The following LRRC28 variants were observed in gnomAD, a reference collection of about 807,000 sequenced individuals.
The protein encoded by LRRC28 is leucine-rich repeat-containing protein 28.
LRRC28 carries 39 observed loss-of-function variants against 45.7 expected under a neutral mutation model. The observed-to-expected ratio is 0.85, with a 90% confidence interval of 0.66 to 1.12. The LOEUF (loss-of-function observed/expected upper bound fraction) is 1.12. LRRC28 is among the 50% of genes most tolerant of loss of function. LRRC28 has a pLI of 0.00. For synonymous variants in LRRC28, 206 were observed against 178.8 expected, an observed-to-expected ratio of 1.15 and a Z score of -1.22; for missense variants, 435 against 438.5, an observed-to-expected ratio of 0.99 and a Z score of 0.07.
intron 5 of LRRC28, among the ~76,000 whole-genome samples, chr15:99,319,481 A>G (rs1367239645): frequency 6.6e-5 from 10 of 152,090 alleles, no homozygotes; most frequent in Admixed American, 6.5e-4. Flanking sequence ...GATAAATGCC[A>G]TTTCTCTCTA....
chr15:99,258,306 A>C lies in LRRC28; in HGVS notation c.168+2181A>C. 3 of 1,508,934 alleles carry C rather than the reference A, an allele frequency of 2.0e-6. No individual in the cohort carries two copies. The South Asian group carries it at 3.4e-5, about 17-fold the overall frequency. 93.5% of individuals were successfully genotyped at this position (1,508,934 alleles called of 1,614,324 possible). A position where few individuals can be genotyped will look rare whatever the true frequency, so the allele number is the denominator to read the frequency against. ...TACATCTGGGAGTCTGAATCCAATG[A>C]ATATTCTGTAATTGCTGACCCAAGA... On this transcript the variant is annotated intron_variant, in intron 2 of 9. Transcript: ENST00000301981.
chr15:99,271,261 A>C (rs925373572), intron 2 of LRRC28, among the ~76,000 whole-genome samples: 4 of 148,508 alleles, frequency 2.7e-5, no homozygotes, highest in African/African-American at 7.3e-5. Flanking sequence ...AAGTTTTTAC[A>C]TTTTGATGAC....
rs544178451 is a variant in LRRC28, at chr15:99,378,511, C to A, written c.1032-7519C>A. 2.6e-5 allele frequency among the ~76,000 whole-genome samples: 4 copies of A among 152,260 alleles called. No homozygotes were observed. In the South Asian group the frequency reaches 8.3e-4, roughly 32 times the overall value. On this transcript the variant is annotated intron_variant, in intron 9 of 9. Transcript: ENST00000301981. ...CAGGGACAGTTTGACTTCCTCTTTT[C>A]CTAATTCAGTACCCTTTATTTATTT...
At chr15:99,275,862 T>A (rs1473888651) in intron 2 of LRRC28, among the ~76,000 whole-genome samples, 1 of 152,122 alleles carries the variant, frequency 6.6e-6, no homozygotes, top group Non-Finnish European at 1.5e-5. Flanking sequence ...GGGTCCCCAA[T>A]CCCTGGGCCA....
rs139511836 is a variant in LRRC28, at chr15:99,285,016, C to T, written c.210-2241C>T. On this transcript the variant is annotated intron_variant, in intron 3 of 9. Coordinates refer to ENST00000301981, the MANE Select transcript of LRRC28 (RefSeq NM_144598.5). ...CTTCAGCCTCTTTGGCTGGATGAAGCACTAGCCATCTCTTGGCTTTGATGG... is the reference window on the plus strand; with the variant it reads ...CTTCAGCCTCTTTGGCTGGATGAAGTACTAGCCATCTCTTGGCTTTGATGG... 381 of 647,458 alleles carry T rather than the reference C, an allele frequency of 5.9e-4. 3 individuals are homozygous for T. Among genetic ancestry groups the T allele is most frequent in the African/African-American group, 4.5e-3 (251 of 55,934 alleles). The allele number at this position is 647,458 out of a possible 1,614,324, so 40.1% of individuals were successfully genotyped here.
chr15:99,361,320 G>A lies in LRRC28; in HGVS notation c.696-16G>A, dbSNP rs1249029293. ...CCTTATTGCTAATAATACTGTGAAT[G>A]TGTGTCTTTCTGCAGCTGTGGTGCT... On this transcript the variant is annotated splice_polypyrimidine_tract_variant and intron_variant, in intron 7 of 9. Coordinates refer to ENST00000301981, the MANE Select transcript of LRRC28 (RefSeq NM_144598.5). 1.9e-6 allele frequency: 3 copies of A among 1,604,800 alleles called. No individual in the cohort carries two copies. Among genetic ancestry groups the A allele is most frequent in the Non-Finnish European group, 2.6e-6 (3 of 1,176,344 alleles).
chr15:99,322,527 T>TA (rs780909481), intron 5 of LRRC28, among the ~76,000 whole-genome samples: 2 of 152,138 alleles, frequency 1.3e-5, no homozygotes, highest in Non-Finnish European at 2.9e-5. Context: ...GGGTGTAAGT[T>TA]ACAGTGGTGT....
chr15:99,380,283 A>G (rs188967320), intron 9 of LRRC28, among the ~76,000 whole-genome samples: 27 of 152,252 alleles, frequency 1.8e-4, no homozygotes, highest in African/African-American at 6.3e-4. Flanking sequence ...TCCCTTTACC[A>G]TTATGTAATG....
intron 7 of LRRC28, among the ~76,000 whole-genome samples, chr15:99,357,794 A>G (rs1957088047): frequency 6.6e-6 from 1 of 152,144 alleles, no homozygotes; most frequent in Non-Finnish European, 1.5e-5. Context: ...GTATGTTAAG[A>G]GAAACTTTTG....
intron 6 of LRRC28, among the ~76,000 whole-genome samples, chr15:99,339,999 A>T (rs1018892284): frequency 1.3e-5 from 2 of 152,250 alleles, no homozygotes; most frequent in Admixed American, 6.5e-5. Context: ...ATAGATTTTT[A>T]AAAATAAATG....
intron 9 of LRRC28, among the ~76,000 whole-genome samples, chr15:99,385,146 G>T (rs1242329480): frequency 7.1e-6 from 1 of 140,400 alleles, no homozygotes; most frequent in Non-Finnish European, 1.6e-5. Context: ...GAGAGGGAGT[G>T]GGGTGGAAAT....
At chr15:99,330,664 T>G (rs576095316) in intron 5 of LRRC28, among the ~76,000 whole-genome samples, 2 of 152,310 alleles carry the variant, frequency 1.3e-5, no homozygotes, top group African/African-American at 2.4e-5. Flanking sequence ...TTTATGCGGT[T>G]GACAGCCTTC....
chr15:99,349,335 C>T (rs1401131932), intron 6 of LRRC28, among the ~76,000 whole-genome samples: 2 of 151,908 alleles, frequency 1.3e-5, no homozygotes, highest in Non-Finnish European at 2.9e-5. Context: ...CTAAAAAGTT[C>T]ATAAATGACA....
At chr15:99,337,503 G>C (rs953783469) in intron 6 of LRRC28, among the ~76,000 whole-genome samples, 1 of 152,246 alleles carries the variant, frequency 6.6e-6, no homozygotes, top group Non-Finnish European at 1.5e-5. Flanking sequence ...TGTGGCTAAG[G>C]AGGTGGGCAT....
intron 9 of LRRC28, among the ~76,000 whole-genome samples, chr15:99,365,850 A>G (rs540857110): frequency 6.6e-6 from 1 of 152,354 alleles, no homozygotes; most frequent in East Asian, 1.9e-4. Context: ...TAAATACCCA[A>G]ACTTTCAAAT....
At chr15:99,343,219 A>C (rs1405316343) in intron 6 of LRRC28, among the ~76,000 whole-genome samples, 3 of 152,230 alleles carry the variant, frequency 2.0e-5, no homozygotes, top group African/African-American at 7.2e-5. Flanking sequence ...CTTTTGCCCC[A>C]TCATTTTGTT....
intron 5 of LRRC28, among the ~76,000 whole-genome samples, chr15:99,302,044 T>TTC (rs149434381): frequency 3.3e-5 from 5 of 149,410 alleles, no homozygotes; most frequent in African/African-American, 1.3e-4. Flanking sequence ...TTTTTTTTTT[T>TTC]GAGACGGAGT....
At chr15:99,296,369 A>G (rs188296772) in intron 5 of LRRC28, among the ~76,000 whole-genome samples, 19 of 152,346 alleles carry the variant, frequency 1.2e-4, no homozygotes, top group Admixed American at 9.8e-4. Flanking sequence ...TCCTCAAAAC[A>G]CGCAGTGTGT....
At chr15:99,340,449 TAA>T (rs1956470428) in intron 6 of LRRC28, among the ~76,000 whole-genome samples, 1 of 152,220 alleles carries the variant, frequency 6.6e-6, no homozygotes, top group Non-Finnish European at 1.5e-5. Context: ...TATTTTTTAA[TAA>T]AAAAGTCCAC....
Sources: allele counts gnomAD v4.1 joint callset (sites outside exome capture counted in the v4.1 genomes callset), GRCh38; gene constraint gnomAD v4.1.1; transcripts MANE v1.5; gene names NCBI Gene and HGNC (gene_info 2026-07-23, HGNC 2026-07-21).